APLF: variants seen among roughly 807,000 people sequenced by gnomAD.
APLF encodes aprataxin and PNK-like factor.
Under a neutral mutation model 55.6 loss-of-function variants are expected in APLF, and 61 were observed. That is an observed-to-expected ratio of 1.10 (90% CI 0.89 to 1.36). The LOEUF is 1.36. APLF is among the 40% of genes most tolerant of loss of function. APLF has a pLI of 0.00. For missense variants in APLF, 611 were observed against 602.5 expected (o/e 1.01, Z -0.15); for synonymous variants, 207 against 214.8 (o/e 0.96, Z 0.32).
chr2:68,502,518 A>G lies in APLF; in HGVS notation c.169-213A>G, dbSNP rs547100710. 1.4e-3 allele frequency among the ~76,000 whole-genome samples: 212 copies of G among 151,858 alleles called. 1 individual carries two copies. The highest frequency in any genetic ancestry group is 2.6e-3 in the Non-Finnish European group (178 of 67,904). On this transcript the variant is annotated intron_variant, in intron 2 of 9. Transcript: ENST00000303795. ...GTCCTGGAGAAATGGGAGGTATACCATAGCTTCTTTTCTCTTTAATATATA... is the reference window on the plus strand; with the variant it reads ...GTCCTGGAGAAATGGGAGGTATACCGTAGCTTCTTTTCTCTTTAATATATA...
intron 1 of APLF, among the ~76,000 whole-genome samples, chr2:68,483,251 C>T (rs916761435): frequency 5.3e-5 from 8 of 152,140 alleles, no homozygotes; most frequent in African/African-American, 1.9e-4. Context: ...AGGTAGCTCT[C>T]CAAACAGCTC....
intron 3 of APLF, among the ~76,000 whole-genome samples, chr2:68,505,291 A>T (rs372889286): frequency 6.6e-5 from 10 of 152,124 alleles, no homozygotes; most frequent in African/African-American, 2.2e-4. Flanking sequence ...TTTTTCAAAA[A>T]TTAGGAAAAT....
chr2:68,493,091 T>G (rs1323214384), intron 2 of APLF, among the ~76,000 whole-genome samples: 1 of 152,204 alleles, frequency 6.6e-6, no homozygotes, highest in African/African-American at 2.4e-5. Flanking sequence ...GAAGTCAGGA[T>G]TCTCTTGGCA....
chr2:68,545,145 T>C, intron 7 of APLF, 42 bp from the exon 8 acceptor site: 1 of 1,598,018 alleles, frequency 6.3e-7, no homozygotes, highest in Non-Finnish European at 8.5e-7. Flanking sequence ...ATCTAGAATA[T>C]CCTATTTTTT....
intron 5 of APLF, among the ~76,000 whole-genome samples, chr2:68,523,936 G>A (rs1669964555): frequency 6.6e-6 from 1 of 150,900 alleles, no homozygotes; most frequent in Admixed American, 6.6e-5. Flanking sequence ...GTCCCTAGAG[G>A]TGGTTGATAG....
chr2:68,497,821 T>C (rs1676599709), intron 2 of APLF, among the ~76,000 whole-genome samples: 1 of 152,120 alleles, frequency 6.6e-6, no homozygotes, highest in Non-Finnish European at 1.5e-5. Flanking sequence ...ATCCAAGCTA[T>C]ATCAGGAGTG....
intron 5 of APLF, among the ~76,000 whole-genome samples, chr2:68,518,643 T>G (rs1340623517): frequency 2.1e-5 from 2 of 96,484 alleles, no homozygotes; most frequent in Non-Finnish European, 3.4e-5. Context: ...AATATATCAT[T>G]AATATATCAT....
At chr2:68,488,785 A>C (rs1459724477) in intron 1 of APLF, among the ~76,000 whole-genome samples, 1 of 152,134 alleles carries the variant, frequency 6.6e-6, no homozygotes, top group Non-Finnish European at 1.5e-5. Context: ...CATTTAAGTG[A>C]AAGTTCTGTG....
In APLF at chr2:68,564,374, G is replaced by A. The variant is rs116750801; in HGVS notation, c.1287-2967G>A. On this transcript the variant is annotated intron_variant, in intron 8 of 9. Coordinates refer to ENST00000303795, the MANE Select transcript of APLF (RefSeq NM_173545.3). ...CCAGTTTTCAAAGCTGTTGAATTAG[G>A]ACCTTAATTAACTGTGGAGTTACAC... 6.0e-3 allele frequency among the ~76,000 whole-genome samples: 909 copies of A among 152,064 alleles called. 10 individuals carry two copies. Among genetic ancestry groups the A allele is most frequent in the Middle Eastern group, 0.044 (13 of 294 alleles).
In APLF at chr2:68,467,670, G is replaced by T; in HGVS notation, c.-62G>T. ...GCGTGGGCTTGCCCCGCGCGTGTCT[G>T]TGGAGGGCGGAAACAGCGGAGGGGC... On this transcript the variant is annotated 5_prime_UTR_variant, in exon 1 of 10. Coordinates refer to ENST00000303795, the MANE Select transcript of APLF (RefSeq NM_173545.3). 8.3e-7 allele frequency: 1 copy of T among 1,204,912 alleles called. No individual in the cohort carries two copies. Among genetic ancestry groups the T allele is most frequent in the Non-Finnish European group, 1.0e-6 (1 of 961,144 alleles). The allele number at this position is 1,204,912 out of a possible 1,614,324, so 74.6% of individuals were successfully genotyped here. A position where few individuals can be genotyped will look rare whatever the true frequency, so the allele number is the denominator to read the frequency against.
chr2:68,522,139 T>C (rs114680231), intron 5 of APLF, among the ~76,000 whole-genome samples: 6,487 of 151,968 alleles, frequency 0.043, 184 homozygotes, highest in Non-Finnish European at 0.065. Flanking sequence ...GGTCTGTTCT[T>C]ATTCCTGATT....
chr2:68,469,272 G>A (rs1339301740), intron 1 of APLF, among the ~76,000 whole-genome samples: 2 of 152,086 alleles, frequency 1.3e-5, no homozygotes, highest in Admixed American at 6.6e-5. Context: ...TATGTCTGGT[G>A]ACTAACGAGT....
chr2:68,538,294 C>A, intron 7 of APLF, 67 bp downstream of exon 7: 1 of 1,382,600 alleles, frequency 7.2e-7, no homozygotes, highest in Non-Finnish European at 9.8e-7. Flanking sequence ...TAGATACATG[C>A]TACAGTATAT....
intron 6 of APLF, among the ~76,000 whole-genome samples, chr2:68,526,461 C>G (rs1670049825): frequency 6.6e-6 from 1 of 152,158 alleles, no homozygotes; most frequent in Non-Finnish European, 1.5e-5. Context: ...TGGCGACCGC[C>G]ACGGAGCAGT....
At chr2:68,572,722 C>A (rs1671502911) in intron 9 of APLF, among the ~76,000 whole-genome samples, 1 of 152,076 alleles carries the variant, frequency 6.6e-6, no homozygotes, top group African/African-American at 2.4e-5. Flanking sequence ...ACCTCTGTTC[C>A]CAGCTACTTG....
At chr2:68,476,705 A>G (rs1268987015) in intron 1 of APLF, among the ~76,000 whole-genome samples, 3 of 151,862 alleles carry the variant, frequency 2.0e-5, no homozygotes, top group Non-Finnish European at 2.9e-5. Flanking sequence ...TTTATTATTA[A>G]TATTCTGAAT....
intron 3 of APLF, among the ~76,000 whole-genome samples, chr2:68,504,565 A>G (rs952060377): frequency 2.0e-5 from 3 of 151,976 alleles, no homozygotes; most frequent in Non-Finnish European, 4.4e-5. Context: ...ACAAAATTCA[A>G]CACCTCTTCA....
At chr2:68,469,014 G>GTGTGT (rs1553366879) in intron 1 of APLF, among the ~76,000 whole-genome samples, 17 of 147,408 alleles carry the variant, frequency 1.2e-4, no homozygotes, top group Admixed American at 6.7e-4. Context: ...GTGTGTGTGT[G>GTGTGT]TGTGTGTTGT....
chr2:68,567,881 G>A lies in APLF; in HGVS notation c.1333+494G>A, dbSNP rs188314239. 2.0e-4 allele frequency among the ~76,000 whole-genome samples: 31 copies of A among 152,036 alleles called. 1 individual carries two copies. Among genetic ancestry groups the A allele is most frequent in the Admixed American group, 3.3e-4 (5 of 15,216 alleles). On this transcript the variant is annotated intron_variant, in intron 9 of 9. Coordinates refer to ENST00000303795, the MANE Select transcript of APLF (RefSeq NM_173545.3). ...TATTCAGCTGGGACGATAATCACCC[G>A]TAAGGAATACAAACAACTTTGACCC...
Sources: allele counts gnomAD v4.1 joint callset (sites outside exome capture counted in the v4.1 genomes callset), GRCh38; gene constraint gnomAD v4.1.1; transcripts MANE v1.5; gene names NCBI Gene and HGNC (gene_info 2026-07-23, HGNC 2026-07-21).